CDH12: variants seen among roughly 807,000 people sequenced by gnomAD.
CDH12 encodes the protein cadherin 12, also known as cadherin-12.
A neutral mutation model predicts 74.1 loss-of-function variants in CDH12; 41 were observed. That is an observed-to-expected ratio of 0.55 (90% CI 0.43 to 0.72). The LOEUF is 0.72. Ranked by LOEUF, CDH12 falls within the 30% of genes least tolerant of loss-of-function variation. The pLI, the probability that CDH12 is intolerant of heterozygous loss-of-function variation, is 0.00. For missense variants in CDH12, 945 were observed against 977.2 expected (o/e 0.97, Z 0.44); for synonymous variants, 399 against 355.0 (o/e 1.12, Z -1.39).
chr5:22,173,559 A>C (rs566246809), intron 4 of CDH12, among the ~76,000 whole-genome samples: 143 of 151,516 alleles, frequency 9.4e-4, no homozygotes, highest in Non-Finnish European at 1.6e-3. Flanking sequence ...TATACAGATT[A>C]GATATTCAAA....
intron 1 of CDH12, among the ~76,000 whole-genome samples, chr5:22,738,142 G>A (rs1367538986): frequency 2.0e-5 from 3 of 151,964 alleles, no homozygotes; most frequent in Non-Finnish European, 4.4e-5. Flanking sequence ...ATGCTACAGA[G>A]GGGCCACAGC....
chr5:22,055,914 G>A (rs1403521130), intron 5 of CDH12, among the ~76,000 whole-genome samples: 1 of 152,028 alleles, frequency 6.6e-6, no homozygotes, highest in African/African-American at 2.4e-5. Flanking sequence ...GTTAGTGCAT[G>A]TTTGCACATA....
At chr5:22,815,564 G>A (rs1749348090) in intron 1 of CDH12, among the ~76,000 whole-genome samples, 3 of 152,032 alleles carry the variant, frequency 2.0e-5, no homozygotes, top group Non-Finnish European at 4.4e-5. Context: ...GAGGTCAGGA[G>A]TTCGAGACTA....
At chr5:22,181,278 T>C (rs1355832382) in intron 4 of CDH12, among the ~76,000 whole-genome samples, 5 of 152,064 alleles carry the variant, frequency 3.3e-5, no homozygotes, top group Admixed American at 3.3e-4. Context: ...TTTTTTTGCA[T>C]TCATATTCCT....
intron 1 of CDH12, among the ~76,000 whole-genome samples, chr5:22,809,655 C>A (rs1472121261): frequency 6.6e-6 from 1 of 151,636 alleles, no homozygotes; most frequent in Non-Finnish European, 1.5e-5. Context: ...ACTTTACCAA[C>A]AAGAAAAAAT....
chr5:22,188,993 T>C (rs1038466243), intron 4 of CDH12, among the ~76,000 whole-genome samples: 4 of 152,170 alleles, frequency 2.6e-5, no homozygotes, highest in African/African-American at 9.7e-5. Flanking sequence ...AGCATGGAGA[T>C]GCAATGCTGA....
chr5:22,086,155 C>T (rs985287596), intron 4 of CDH12, among the ~76,000 whole-genome samples: 14 of 152,088 alleles, frequency 9.2e-5, no homozygotes, highest in Admixed American at 9.2e-4. Flanking sequence ...CATAGTAAAC[C>T]AATCTCTGCT....
intron 1 of CDH12, among the ~76,000 whole-genome samples, chr5:22,778,628 T>C (rs1180743456): frequency 6.6e-6 from 1 of 152,220 alleles, no homozygotes; most frequent in South Asian, 2.1e-4. Context: ...TTGTCAACTT[T>C]AAATTTCTCT....
intron 3 of CDH12, among the ~76,000 whole-genome samples, chr5:22,300,723 G>A (rs1200948264): frequency 6.6e-6 from 1 of 152,196 alleles, no homozygotes; most frequent in Non-Finnish European, 1.5e-5. Context: ...GATTTAGTGT[G>A]TGTAATGTTG....
At chr5:22,240,988 G>A (rs1000652814) in intron 3 of CDH12, among the ~76,000 whole-genome samples, 2 of 152,094 alleles carry the variant, frequency 1.3e-5, no homozygotes, top group African/African-American at 4.8e-5. Flanking sequence ...AGAAGAGAAA[G>A]AATGGAGGAG....
chr5:21,847,053 G>C (rs918580334), intron 7 of CDH12, among the ~76,000 whole-genome samples: 1 of 152,104 alleles, frequency 6.6e-6, no homozygotes, highest in Non-Finnish European at 1.5e-5. Flanking sequence ...ATGATGGTGA[G>C]GTTGGAGCGT....
In CDH12 at chr5:22,846,435, G is replaced by A. The variant is rs544632288; in HGVS notation, c.-523+6623C>T. On this transcript the variant is annotated intron_variant, in intron 1 of 14. Coordinates refer to ENST00000382254, the MANE Select transcript of CDH12 (RefSeq NM_004061.5). The stretch of plus-strand genomic sequence containing the variant: ...ATAGAGAGATGAGTGGGCCTATGAT[G>A]GTATCCTGGGATGCTCTGATAGATG... Among the ~76,000 whole-genome samples the A allele has an allele frequency of 2.0e-5, 3 of 152,228 alleles. No homozygotes were observed. In the South Asian group the frequency reaches 6.2e-4, roughly 32 times the overall value.
chr5:22,476,348 T>C (rs941610405), intron 2 of CDH12, among the ~76,000 whole-genome samples: 2 of 152,138 alleles, frequency 1.3e-5, no homozygotes, highest in African/African-American at 4.8e-5. Context: ...TTATTGTTTA[T>C]TGAATGGTAC....
At chr5:21,868,837 G>A (rs1052831208) in intron 6 of CDH12, among the ~76,000 whole-genome samples, 7 of 152,134 alleles carry the variant, frequency 4.6e-5, no homozygotes, top group Non-Finnish European at 7.3e-5. Flanking sequence ...AACAAGTTAA[G>A]ACTTTAGGGG....
intron 5 of CDH12, among the ~76,000 whole-genome samples, chr5:22,001,591 T>C (rs1736605603): frequency 6.6e-6 from 1 of 152,074 alleles, no homozygotes; most frequent in Non-Finnish European, 1.5e-5. Flanking sequence ...ATCACCCAGG[T>C]TATAGGCATG....
At chr5:21,938,583 G>C (rs1383782840) in intron 6 of CDH12, among the ~76,000 whole-genome samples, 2 of 149,634 alleles carry the variant, frequency 1.3e-5, no homozygotes, top group Non-Finnish European at 3.0e-5. Flanking sequence ...CTCTTCTGAA[G>C]AAGGGTTAAA....
intron 1 of CDH12, among the ~76,000 whole-genome samples, chr5:22,821,103 C>A (rs527373851): frequency 6.6e-6 from 1 of 152,166 alleles, no homozygotes; most frequent in African/African-American, 2.4e-5. Context: ...TAAATGTAAT[C>A]CAGCATATAA....
chr5:22,519,437 T>C (rs1390516426), intron 1 of CDH12, among the ~76,000 whole-genome samples: 1 of 151,448 alleles, frequency 6.6e-6, no homozygotes, highest in East Asian at 1.9e-4. Context: ...TTTTTTTTTT[T>C]TTTTGAGATG....
Position 22,252,166 on chromosome 5 carries a change from C to G in CDH12, c.-332-39523G>C, listed in dbSNP as rs181290236. On this transcript the variant is annotated intron_variant, in intron 3 of 14. Transcript: ENST00000382254. The stretch of plus-strand genomic sequence containing the variant: ...CAACTTAAGCACAACTGTTCAGGAA[C>G]AAAATGAAACAAAAAAAGAGATAAA... Among the ~76,000 whole-genome samples the G allele has an allele frequency of 3.4e-3, 518 of 151,058 alleles. 1 individual carries two copies. The highest frequency in any genetic ancestry group is 0.012 in the African/African-American group (493 of 41,144).
Sources: allele counts gnomAD v4.1 joint callset (sites outside exome capture counted in the v4.1 genomes callset), GRCh38; gene constraint gnomAD v4.1.1; transcripts MANE v1.5; gene names NCBI Gene and HGNC (gene_info 2026-07-23, HGNC 2026-07-21).